The following NCAM1 variants were observed in gnomAD, a reference collection of about 807,000 sequenced individuals.
The protein encoded by NCAM1 is neural cell adhesion molecule 1, also known as antigen recognized by monoclonal antibody 5.1H11.
In NCAM1, 14 loss-of-function variants were observed where a neutral mutation model predicts 109.8. The ratio of observed to expected loss-of-function variants is 0.13; its 90% CI spans 0.08 to 0.20. NCAM1 has a LOEUF of 0.20. NCAM1 is among the 10% of genes least tolerant of loss of function. The pLI, the probability that NCAM1 is intolerant of heterozygous loss-of-function variation, is 1.00. For synonymous variants in NCAM1, 418 were observed against 442.9 expected, an observed-to-expected ratio of 0.94 and a Z score of 0.70; for missense variants, 774 against 1,109.9, an observed-to-expected ratio of 0.70 and a Z score of 4.30.
chr11:113,272,726 C>CT (rs1946309169), intron 19 of NCAM1, among the ~76,000 whole-genome samples: 1 of 152,132 alleles, frequency 6.6e-6, no homozygotes, highest in African/African-American at 2.4e-5. Flanking sequence ...GCCACGTTCT[C>CT]TGTCGTCTCC....
intron 1 of NCAM1, among the ~76,000 whole-genome samples, chr11:112,985,595 T>C (rs1371795215): frequency 2.0e-5 from 3 of 151,282 alleles, no homozygotes; most frequent in Admixed American, 6.6e-5. Flanking sequence ...TCATCAATGT[T>C]GTGTAGTTTT....
At chr11:113,163,550 G>A (rs992998679) in intron 1 of NCAM1, among the ~76,000 whole-genome samples, 7 of 152,178 alleles carry the variant, frequency 4.6e-5, no homozygotes, top group African/African-American at 9.6e-5. Flanking sequence ...TGTTAGGGAT[G>A]AGACATCTCT....
Position 113,275,396 on chromosome 11 carries a change from G to A in NCAM1, c.*9G>A, listed in dbSNP as rs1946382292. 6.2e-7 allele frequency: 1 copy of A among 1,610,490 alleles called. No homozygotes were observed. The highest frequency in any genetic ancestry group is 8.5e-7 in the Non-Finnish European group (1 of 1,178,324). On this transcript the variant is annotated 3_prime_UTR_variant, in exon 20 of 20. Coordinates refer to ENST00000316851, the MANE Select transcript of NCAM1 (RefSeq NM_181351.5). Reference sequence around the variant, plus strand: ...ACGAGAGCAAAGCATGATGGGTGAAGAGAACCGAGCAAAGATCAAAATAAA... The same window carrying A: ...ACGAGAGCAAAGCATGATGGGTGAAAAGAACCGAGCAAAGATCAAAATAAA...
At chr11:113,094,491 T>G (rs1939502530) in intron 1 of NCAM1, among the ~76,000 whole-genome samples, 1 of 152,212 alleles carries the variant, frequency 6.6e-6, no homozygotes, top group South Asian at 2.1e-4. Context: ...AAGTTTTTCA[T>G]TTGCTGTGCT....
intron 1 of NCAM1, among the ~76,000 whole-genome samples, chr11:113,092,312 A>G (rs982728929): frequency 1.3e-5 from 2 of 152,194 alleles, no homozygotes; most frequent in African/African-American, 2.4e-5. Context: ...TTTCACAAGT[A>G]AAAGGAGGAC....
At chr11:113,224,710 G>A (rs1205791394) in intron 9 of NCAM1, among the ~76,000 whole-genome samples, 6 of 152,188 alleles carry the variant, frequency 3.9e-5, no homozygotes, top group Non-Finnish European at 7.3e-5. Flanking sequence ...CACCTCACAC[G>A]GCCAGGTACC....
intron 1 of NCAM1, among the ~76,000 whole-genome samples, chr11:113,149,930 C>T (rs950688886): frequency 6.6e-6 from 1 of 152,232 alleles, no homozygotes; most frequent in Admixed American, 6.5e-5. Flanking sequence ...GTGGGATTGA[C>T]TCTCAGAAGA....
intron 1 of NCAM1, among the ~76,000 whole-genome samples, chr11:112,986,194 T>C (rs868914446): frequency 4.6e-5 from 7 of 152,098 alleles, no homozygotes; most frequent in African/African-American, 1.7e-4. Flanking sequence ...CTTCATTCTT[T>C]TAATATAGTA....
chr11:113,248,033 T>C (rs1380923201), intron 15 of NCAM1, among the ~76,000 whole-genome samples: 1 of 152,204 alleles, frequency 6.6e-6, no homozygotes, highest in Non-Finnish European at 1.5e-5. Flanking sequence ...CTTGGTCATT[T>C]CTGTGCAATG....
At chr11:113,111,865 T>C (rs1940459862) in intron 1 of NCAM1, among the ~76,000 whole-genome samples, 1 of 152,214 alleles carries the variant, frequency 6.6e-6, no homozygotes, top group Non-Finnish European at 1.5e-5. Context: ...ATCTCTATCA[T>C]TAAAAATGAG....
chr11:113,230,343 A>G (rs565315807), intron 9 of NCAM1, among the ~76,000 whole-genome samples: 2 of 152,334 alleles, frequency 1.3e-5, no homozygotes, highest in East Asian at 3.9e-4. Context: ...AGAAATGGGC[A>G]GCCATGACTT....
At chr11:113,089,749 A>G (rs114384854) in intron 1 of NCAM1, among the ~76,000 whole-genome samples, 1,718 of 152,334 alleles carry the variant, frequency 0.011, 26 homozygotes, top group African/African-American at 0.039. Context: ...CCGGGGAGGC[A>G]TTTTGGAAAG....
At chr11:113,184,003 T>A (rs541777784) in intron 1 of NCAM1, among the ~76,000 whole-genome samples, 1 of 152,324 alleles carries the variant, frequency 6.6e-6, no homozygotes, top group South Asian at 2.1e-4. Context: ...CTCAGAAAGA[T>A]CTATCATTCC....
intron 1 of NCAM1, among the ~76,000 whole-genome samples, chr11:113,101,266 G>A (rs991667734): frequency 3.3e-5 from 5 of 152,108 alleles, no homozygotes; most frequent in African/African-American, 1.2e-4. Context: ...TTGTGGCAGT[G>A]CCAGGAAATT....
chr11:113,128,906 G>GGTGTGTGT (rs782123739), intron 1 of NCAM1, among the ~76,000 whole-genome samples: 10 of 84,930 alleles, frequency 1.2e-4, no homozygotes, highest in East Asian at 4.6e-4. Context: ...AAGTTGTGAG[G>GGTGTGTGT]GTGTGTGTGT....
intron 1 of NCAM1, among the ~76,000 whole-genome samples, chr11:113,160,562 C>A (rs576052634): frequency 6.6e-6 from 1 of 152,318 alleles, no homozygotes; most frequent in African/African-American, 2.4e-5. Flanking sequence ...CAGAGCATTT[C>A]TTCCCCTGAA....
intron 1 of NCAM1, among the ~76,000 whole-genome samples, chr11:113,121,148 G>A (rs1363182674): frequency 1.3e-5 from 2 of 151,876 alleles, no homozygotes; most frequent in African/African-American, 4.8e-5. Context: ...AGAGGATTAG[G>A]GGGGTGGCCT....
rs759155336 is a variant in NCAM1, at chr11:113,273,239, C to T, written c.2456+1363C>T. 3 of 362,238 alleles carry T rather than the reference C, an allele frequency of 8.3e-6. No homozygotes were observed. The highest frequency in any genetic ancestry group is 7.5e-4 in the Middle Eastern group (1 of 1,334). The allele number at this position is 362,238 out of a possible 1,614,324, so 22.4% of individuals were successfully genotyped here. ...GCGACACCCCGACCTCAACCCCTGCCGCTAGCAATTTGTCTTCTAGTGTCC... is the reference window on the plus strand; with the variant it reads ...GCGACACCCCGACCTCAACCCCTGCTGCTAGCAATTTGTCTTCTAGTGTCC... On this transcript the variant is annotated intron_variant, in intron 19 of 19. Coordinates refer to ENST00000316851, the MANE Select transcript of NCAM1 (RefSeq NM_181351.5). This position sits in a 1 kb window ranked among gnomAD's most constrained non-coding sequence, Gnocchi z 6.0.
At chr11:113,228,939 G>T (rs1440544948) in intron 9 of NCAM1, among the ~76,000 whole-genome samples, 2 of 152,042 alleles carry the variant, frequency 1.3e-5, no homozygotes, top group African/African-American at 2.4e-5. Context: ...AATTCAAGAT[G>T]GATTAAAGAC....
Sources: allele counts gnomAD v4.1 joint callset (sites outside exome capture counted in the v4.1 genomes callset), GRCh38; gene constraint gnomAD v4.1.1; non-coding constraint Gnocchi (gnomAD v3.1); transcripts MANE v1.5; gene names NCBI Gene and HGNC (gene_info 2026-07-23, HGNC 2026-07-21).